STX17: variants seen among roughly 807,000 people sequenced by gnomAD.
STX17 encodes the protein syntaxin 17.
In STX17, 29 loss-of-function variants were observed where a neutral mutation model predicts 35.9. The ratio of observed to expected loss-of-function variants is 0.81; its 90% CI spans 0.60 to 1.10. The LOEUF (loss-of-function observed/expected upper bound fraction) is 1.10. STX17 is among the 50% of genes least tolerant of loss of function. The pLI is 0.00. For synonymous variants in STX17, 92 were observed against 118.3 expected, an observed-to-expected ratio of 0.78 and a Z score of 1.44; for missense variants, 312 against 352.3, an observed-to-expected ratio of 0.89 and a Z score of 0.92.
chr9:99,962,683 T>C (rs776616775), intron 6 of STX17, among the ~76,000 whole-genome samples: 14 of 152,214 alleles, frequency 9.2e-5, no homozygotes, highest in Non-Finnish European at 2.1e-4. Context: ...ACCTCTAATC[T>C]AAGGGAGATT....
chr9:99,926,737 A>T (rs1303389954), intron 2 of STX17, among the ~76,000 whole-genome samples: 1 of 152,140 alleles, frequency 6.6e-6, no homozygotes, highest in Non-Finnish European at 1.5e-5. Context: ...TGACCTTGTG[A>T]TCCGCCCGCT....
At chr9:99,906,764 G>T (rs1397379342) in intron 1 of STX17, 58 bp downstream of exon 1, 1 of 152,236 alleles carries the variant, frequency 6.6e-6, no homozygotes, top group African/African-American at 2.4e-5. Context: ...GGCTTGGTGG[G>T]CCTGGCGCCC....
intron 6 of STX17, among the ~76,000 whole-genome samples, chr9:99,962,692 T>C (rs1411329908): frequency 1.3e-5 from 2 of 152,180 alleles, no homozygotes; most frequent in African/African-American, 2.4e-5. Flanking sequence ...CTAAGGGAGA[T>C]TTGTGTAGGA....
chr9:99,925,295 G>A (rs1032757928), intron 2 of STX17, among the ~76,000 whole-genome samples: 2 of 152,026 alleles, frequency 1.3e-5, no homozygotes, highest in South Asian at 4.2e-4. Context: ...TCTTTTTGCT[G>A]TGGTTGCTAT....
intron 4 of STX17, among the ~76,000 whole-genome samples, chr9:99,952,998 G>A (rs1829634266): frequency 6.6e-6 from 1 of 151,610 alleles, no homozygotes; most frequent in African/African-American, 2.4e-5. Context: ...TGCACATTGT[G>A]CACATGTACC....
At chr9:99,915,059 G>A in intron 1 of STX17, 119 bp from the exon 2 acceptor site, 1 of 533,572 alleles carries the variant, frequency 1.9e-6, no homozygotes, top group Non-Finnish European at 2.8e-6. Flanking sequence ...AGTCACTCAA[G>A]GTCAGCATTA....
At position 99,951,179 on chromosome 9, in the gene STX17, A is replaced by C; in HGVS notation, c.309A>C (p.Ala103=). 1 of 1,613,242 alleles carries C rather than the reference A, an allele frequency of 6.2e-7. No individual in the cohort carries two copies. The highest frequency in any genetic ancestry group is 8.5e-7 in the Non-Finnish European group (1 of 1,179,302). The change falls in exon 4 of 8, where the codon GCA becomes GCC. Residue 103 remains alanine, a synonymous_variant. Coordinates refer to ENST00000259400, the MANE Select transcript of STX17 (RefSeq NM_017919.3). The part of the protein sequence containing the change: ...PVKEEASAAT[A]EFLQLHLESV... ...AAGAAGAAGCATCAGCAGCAACAGCAGAATTTCTCCAACTCCATTTGGAAT... is the reference window on the plus strand; with the variant it reads ...AAGAAGAAGCATCAGCAGCAACAGCCGAATTTCTCCAACTCCATTTGGAAT...
intron 3 of STX17, among the ~76,000 whole-genome samples, chr9:99,947,214 A>G (rs1315077269): frequency 6.6e-6 from 1 of 152,140 alleles, no homozygotes; most frequent in African/African-American, 2.4e-5. Context: ...TGGGCCTAAT[A>G]TGAAGCTAAA....
intron 3 of STX17, among the ~76,000 whole-genome samples, chr9:99,940,312 A>G (rs983801847): frequency 9.3e-5 from 14 of 149,922 alleles, no homozygotes; most frequent in Admixed American, 5.3e-4. Flanking sequence ...TGTATTTTTA[A>G]TAAAGATGGG....
At chr9:99,959,397 A>C (rs1830455) in intron 4 of STX17, among the ~76,000 whole-genome samples, 1 of 148,556 alleles carries the variant, frequency 6.7e-6, no homozygotes, top group African/African-American at 2.5e-5. Context: ...AAAAAAAAAA[A>C]TTTTAGAAAA....
chr9:99,914,782 TAGATC>T (rs1444162045), intron 1 of STX17, among the ~76,000 whole-genome samples: 3 of 152,184 alleles, frequency 2.0e-5, no homozygotes, highest in Non-Finnish European at 2.9e-5. Context: ...ATGTCCAAGA[TAGATC>T]AGAAAATGAA....
At chr9:99,968,392 T>G in intron 7 of STX17, 42 bp from the exon 8 acceptor site, 1 of 1,518,444 alleles carries the variant, frequency 6.6e-7, no homozygotes, top group South Asian at 1.4e-5. Context: ...AGGCAGATAT[T>G]CTCAACTCAG....
intron 4 of STX17, among the ~76,000 whole-genome samples, chr9:99,954,532 G>T (rs1212130250): frequency 6.6e-6 from 1 of 152,030 alleles, no homozygotes; most frequent in Non-Finnish European, 1.5e-5. Flanking sequence ...GGTAGGAATT[G>T]AGTTTGCTCC....
At chr9:99,956,261 C>T (rs2118504241) in intron 4 of STX17, among the ~76,000 whole-genome samples, 1 of 152,192 alleles carries the variant, frequency 6.6e-6, no homozygotes, top group African/African-American at 2.4e-5. Context: ...TCAAACATTT[C>T]CCACACATTA....
rs149374482 is a variant in STX17, at chr9:99,972,046, G to A, written c.*3373G>A. 4.5e-4 allele frequency among the ~76,000 whole-genome samples: 68 copies of A among 152,302 alleles called. 1 individual carries two copies. Among genetic ancestry groups the A allele is most frequent in the African/African-American group, 1.5e-3 (62 of 41,556 alleles). On this transcript the variant is annotated 3_prime_UTR_variant, in exon 8 of 8. Transcript: ENST00000259400. ...TCCTTTACCAAACAGGCTTTGAAAT[G>A]ACACATTCCATTCATTTGCATCTTT...
chr9:99,955,328 A>T (rs998028534), intron 4 of STX17, among the ~76,000 whole-genome samples: 1 of 152,064 alleles, frequency 6.6e-6, no homozygotes, highest in Non-Finnish European at 1.5e-5. Context: ...TTTATGAAAC[A>T]TGTAGATGGT....
chr9:99,910,572 A>G (rs964900719), intron 1 of STX17, among the ~76,000 whole-genome samples: 1 of 152,184 alleles, frequency 6.6e-6, no homozygotes. Flanking sequence ...ATAATTTTAC[A>G]TATTTATAGG....
At chr9:99,968,289 TC>T (rs1462959865) in intron 7 of STX17, 144 bp from the exon 8 acceptor site, 6 of 1,003,710 alleles carry the variant, frequency 6.0e-6, no homozygotes, top group Middle Eastern at 3.5e-4. Flanking sequence ...TACTTTCTTT[TC>T]CCCCCTACAA....
At chr9:99,920,461 T>C (rs554681695) in intron 2 of STX17, among the ~76,000 whole-genome samples, 2 of 152,210 alleles carry the variant, frequency 1.3e-5, no homozygotes, top group South Asian at 4.1e-4. Context: ...CTTAATGACC[T>C]TGTAAGCTTC....
Sources: gnomAD v4.1 joint callset for allele counts (sites outside exome capture counted in the v4.1 genomes callset) on GRCh38, gnomAD v4.1.1 for gene constraint, MANE v1.5 for transcripts, NCBI Gene and HGNC (gene_info 2026-07-23, HGNC 2026-07-21) for gene names.